SLC24A3: variants seen among roughly 807,000 people sequenced by gnomAD.
SLC24A3 encodes the protein sodium/potassium/calcium exchanger 3.
Under a neutral mutation model 75.8 loss-of-function variants are expected in SLC24A3, and 28 were observed. The observed-to-expected ratio is 0.37, with a 90% confidence interval of 0.27 to 0.51. The LOEUF is 0.51. Among genes scored for constraint, SLC24A3 ranks in the 20% least tolerant of loss-of-function variants. The pLI, the probability that SLC24A3 is intolerant of heterozygous loss-of-function variation, is 0.94. For synonymous variants in SLC24A3, 372 were observed against 334.1 expected (o/e 1.11, Z -1.24); for missense variants, 663 against 847.8 (o/e 0.78, Z 2.71).
intron 15 of SLC24A3, among the ~76,000 whole-genome samples, chr20:19,702,141 C>A (rs900619777): frequency 5.3e-5 from 8 of 152,164 alleles, no homozygotes; most frequent in African/African-American, 1.7e-4. Context: ...TTCAGCACAC[C>A]ATAAATCATT....
chr20:19,514,125 C>A (rs1012567607), intron 2 of SLC24A3, among the ~76,000 whole-genome samples: 1 of 152,180 alleles, frequency 6.6e-6, no homozygotes, highest in Non-Finnish European at 1.5e-5. Flanking sequence ...GAGAGCAGAG[C>A]CTTTTCAAGC....
intron 6 of SLC24A3, among the ~76,000 whole-genome samples, chr20:19,620,978 C>G (rs942993): frequency 0.032 from 4,906 of 152,286 alleles, 120 homozygotes; most frequent in Middle Eastern, 0.065. Flanking sequence ...AAGTAAAACT[C>G]TCCAAGCTGC....
intron 9 of SLC24A3, among the ~76,000 whole-genome samples, chr20:19,678,350 C>T (rs1424405881): frequency 8.2e-6 from 1 of 121,700 alleles, no homozygotes; most frequent in African/African-American, 3.3e-5. Context: ...ACCCCCCCCA[C>T]CTCCCTCCCG....
chr20:19,237,505 T>TCAGCTTGCAGAACATCCACC (rs1982198927), intron 1 of SLC24A3, among the ~76,000 whole-genome samples: 1 of 152,160 alleles, frequency 6.6e-6, no homozygotes, highest in Non-Finnish European at 1.5e-5. Flanking sequence ...ATGTGCTAGC[T>TCAGCTTGCAGAACATCCACC]CAGCTTGCAG....
At chr20:19,649,070 C>A (rs562527674) in intron 6 of SLC24A3, among the ~76,000 whole-genome samples, 1 of 152,224 alleles carries the variant, frequency 6.6e-6, no homozygotes, top group Non-Finnish European at 1.5e-5. Flanking sequence ...ATTTGACTTT[C>A]TTCCCTGCAA....
intron 3 of SLC24A3, among the ~76,000 whole-genome samples, chr20:19,518,792 A>G (rs1247641439): frequency 6.6e-6 from 1 of 152,214 alleles, no homozygotes. Context: ...ACCCAGAGTC[A>G]TCTGCCCTAC....
chr20:19,321,679 G>A (rs1984709349), intron 2 of SLC24A3, among the ~76,000 whole-genome samples: 1 of 152,216 alleles, frequency 6.6e-6, no homozygotes, highest in African/African-American at 2.4e-5. Context: ...TTAAGGGAGA[G>A]TGGATAGAAG....
intron 9 of SLC24A3, among the ~76,000 whole-genome samples, chr20:19,675,264 A>G (rs1248594269): frequency 2.0e-5 from 3 of 152,214 alleles, no homozygotes; most frequent in Non-Finnish European, 2.9e-5. Flanking sequence ...TTTCCCCAAC[A>G]TATGTAGCCG....
intron 2 of SLC24A3, among the ~76,000 whole-genome samples, chr20:19,319,824 A>G (rs539549953): frequency 1.3e-5 from 2 of 152,318 alleles, no homozygotes; most frequent in East Asian, 1.9e-4. Context: ...AACAGCTGGT[A>G]CACCTGTACA....
At chr20:19,260,932 C>T (rs1196293226) in intron 1 of SLC24A3, among the ~76,000 whole-genome samples, 6 of 152,126 alleles carry the variant, frequency 3.9e-5, no homozygotes, top group Non-Finnish European at 5.9e-5. Context: ...GGGATCAGGT[C>T]GAGTCACAGA....
chr20:19,519,883 T>A (rs910706017), intron 3 of SLC24A3, among the ~76,000 whole-genome samples: 1 of 152,228 alleles, frequency 6.6e-6, no homozygotes, highest in African/African-American at 2.4e-5. Flanking sequence ...CTTTAAATCA[T>A]CAATATTTGG....
chr20:19,474,499 A>T (rs1018653584), intron 2 of SLC24A3, among the ~76,000 whole-genome samples: 2 of 152,238 alleles, frequency 1.3e-5, no homozygotes, highest in Admixed American at 1.3e-4. Flanking sequence ...TCCTGGTGAT[A>T]CCAAGACTGA....
chr20:19,369,111 G>A (rs1289135019), intron 2 of SLC24A3, among the ~76,000 whole-genome samples: 1 of 152,174 alleles, frequency 6.6e-6, no homozygotes, highest in Non-Finnish European at 1.5e-5. Flanking sequence ...TGATAAATAG[G>A]ATGTTTACAT....
chr20:19,283,239 A>C (rs1218940205), intron 2 of SLC24A3: 1 of 152,052 alleles, frequency 6.6e-6, no homozygotes, highest in African/African-American at 2.4e-5. Flanking sequence ...AGTTCTGTTC[A>C]AATCCTAACA....
chr20:19,481,280 T>C (rs1164208641), intron 2 of SLC24A3, among the ~76,000 whole-genome samples: 2 of 152,188 alleles, frequency 1.3e-5, no homozygotes, highest in Non-Finnish European at 2.9e-5. Context: ...ATAATAACTA[T>C]TGAGCAGTGA....
intron 2 of SLC24A3, among the ~76,000 whole-genome samples, chr20:19,503,268 A>G (rs1467114036): frequency 3.3e-5 from 5 of 152,182 alleles, no homozygotes; most frequent in Non-Finnish European, 7.3e-5. Flanking sequence ...TCAGAGCTAT[A>G]GTGTGCCATC....
chr20:19,604,918 T>A (rs1189658422), intron 6 of SLC24A3, among the ~76,000 whole-genome samples: 2 of 152,154 alleles, frequency 1.3e-5, no homozygotes, highest in Non-Finnish European at 2.9e-5. Context: ...CTAAATCTCA[T>A]CCTTTTTCCA....
intron 9 of SLC24A3, among the ~76,000 whole-genome samples, chr20:19,677,859 C>T (rs892406492): frequency 4.0e-5 from 6 of 151,898 alleles, no homozygotes. Context: ...TGAGGCCTTC[C>T]GCAGTGTTTG....
At chr20:19,611,312 A>C (rs550310586) in intron 6 of SLC24A3, among the ~76,000 whole-genome samples, 1 of 152,330 alleles carries the variant, frequency 6.6e-6, no homozygotes, top group South Asian at 2.1e-4. Context: ...GTGAAGGTCA[A>C]ATCTATCACT....
Sources: gnomAD v4.1 joint callset for allele counts (sites outside exome capture counted in the v4.1 genomes callset) on GRCh38, gnomAD v4.1.1 for gene constraint, MANE v1.5 for transcripts, NCBI Gene and HGNC (gene_info 2026-07-23, HGNC 2026-07-21) for gene names.